MED13L: variants seen among roughly 807,000 people sequenced by gnomAD.
MED13L encodes mediator complex subunit 13L, also known as mediator of RNA polymerase II transcription subunit 13-like.
A neutral mutation model predicts 220.9 loss-of-function variants in MED13L; 7 were observed. The observed-to-expected ratio is 0.03, with a 90% CI of 0.02 to 0.06. MED13L has a LOEUF of 0.06. MED13L is among the 10% of genes least tolerant of loss of function. The probability of loss-of-function intolerance (pLI) is 1.00; values close to 1 mark genes in which losing one functional copy is unlikely to be tolerated. For missense variants in MED13L, 1,965 were observed against 2,760.5 expected (o/e 0.71, Z 6.46); for synonymous variants, 1,011 against 1,015.2 (o/e 1.00, Z 0.08).
intron 2 of MED13L, among the ~76,000 whole-genome samples, chr12:116,124,148 G>GAGACAGAGAC (rs1555213750): frequency 8.0e-4 from 75 of 93,874 alleles, no homozygotes; most frequent in African/African-American, 2.3e-3. Context: ...GAGAGAGAGA[G>GAGACAGAGAC]AGACAGAGAC....
chr12:116,166,202 G>A (rs1226732258), intron 2 of MED13L, among the ~76,000 whole-genome samples: 6 of 151,738 alleles, frequency 4.0e-5, no homozygotes, highest in Non-Finnish European at 2.9e-5. Context: ...CACTGTGATG[G>A]CTAATACTGA....
intron 2 of MED13L, among the ~76,000 whole-genome samples, chr12:116,236,506 TAA>T (rs77630380): frequency 7.0e-6 from 1 of 142,950 alleles, no homozygotes; most frequent in Non-Finnish European, 1.5e-5. Context: ...CTCCTTCCTT[TAA>T]AAAAAAAAAA....
intron 1 of MED13L, among the ~76,000 whole-genome samples, chr12:116,266,958 AC>A (rs1293441048): frequency 3.3e-5 from 5 of 152,230 alleles, no homozygotes; most frequent in African/African-American, 1.2e-4. Flanking sequence ...TGTTCAAAAC[AC>A]AGTAAGGGTT....
intron 4 of MED13L, among the ~76,000 whole-genome samples, chr12:116,050,210 A>G (rs1868374669): frequency 1.3e-5 from 2 of 152,202 alleles, no homozygotes; most frequent in Non-Finnish European, 2.9e-5. Flanking sequence ...GTGGAACAAA[A>G]TATAGCACAG....
intron 25 of MED13L, 123 bp downstream of exon 25, chr12:115,975,048 A>C (rs1385482490): frequency 9.7e-7 from 1 of 1,027,340 alleles, no homozygotes; most frequent in African/African-American, 1.6e-5. Context: ...ATATAAAAGA[A>C]TCATAAAATA....
Position 116,058,470 on chromosome 12 carries a change from CTAAG to C in MED13L, c.480-35873_480-35870del, listed in dbSNP as rs552530966. 1.6e-4 allele frequency among the ~76,000 whole-genome samples: 24 copies of C among 152,098 alleles called. No individual in the cohort carries two copies. In the South Asian group the frequency reaches 4.6e-3, roughly 29 times the overall value. Reference sequence around the variant, plus strand: ...ATAAATTAAAATAAATGTTGAGATCCTAAGTAAAAAATAGCTTACACTATAGCAT... The same window carrying C: ...ATAAATTAAAATAAATGTTGAGATCCTAAAAAATAGCTTACACTATAGCAT... On this transcript the variant is annotated intron_variant, in intron 4 of 30. Transcript: ENST00000281928.
chr12:116,096,952 C>T (rs1023953451), intron 3 of MED13L, among the ~76,000 whole-genome samples, 200 bp from the exon 4 acceptor site: 1 of 151,934 alleles, frequency 6.6e-6, no homozygotes, highest in East Asian at 1.9e-4. Context: ...CTTATGCCCA[C>T]GTAAAAAAGA....
intron 1 of MED13L, among the ~76,000 whole-genome samples, chr12:116,271,431 A>C (rs1055871753): frequency 1.3e-5 from 2 of 151,976 alleles, no homozygotes; most frequent in African/African-American, 4.8e-5. Flanking sequence ...TGTACTAAAC[A>C]TACAAAAAAA....
intron 4 of MED13L, among the ~76,000 whole-genome samples, chr12:116,022,947 C>T (rs1193078325): frequency 6.6e-6 from 1 of 152,166 alleles, no homozygotes; most frequent in Non-Finnish European, 1.5e-5. Flanking sequence ...AAGACAAGCA[C>T]TCAAAACGTG....
chr12:116,045,484 G>C (rs1881778031), intron 4 of MED13L, among the ~76,000 whole-genome samples: 1 of 152,102 alleles, frequency 6.6e-6, no homozygotes, highest in African/African-American at 2.4e-5. Flanking sequence ...CTCTGATTTG[G>C]TAGGAGCTCT....
chr12:116,119,423 G>A (rs936070243), intron 2 of MED13L, among the ~76,000 whole-genome samples: 4 of 152,078 alleles, frequency 2.6e-5, no homozygotes, highest in Admixed American at 6.6e-5. Context: ...CTGTAGCGCC[G>A]ATTGTAAAAG....
In MED13L at chr12:116,030,142, AT is replaced by A. The variant is rs1351297485; in HGVS notation, c.480-7542del. On this transcript the variant is annotated intron_variant, in intron 4 of 30. Coordinates refer to ENST00000281928, the MANE Select transcript of MED13L (RefSeq NM_015335.5). Reference sequence around the variant, plus strand: ...GCCGCTACGCCCAGCTAATTTTTGTATTTTTCGTAGAGACGGGGATTCACCA... The same window carrying A: ...GCCGCTACGCCCAGCTAATTTTTGTATTTTCGTAGAGACGGGGATTCACCA... Among the ~76,000 whole-genome samples, 3 of 152,002 alleles carry A rather than the reference AT, an allele frequency of 2.0e-5. No homozygotes were observed. The South Asian group carries it at 6.3e-4, about 32-fold the overall frequency.
chr12:116,268,434 T>TA (rs1303735294), intron 1 of MED13L, among the ~76,000 whole-genome samples: 2 of 152,250 alleles, frequency 1.3e-5, no homozygotes, highest in Non-Finnish European at 2.9e-5. Context: ...GTGCTCATAT[T>TA]AAGTTCAGAT....
chr12:116,205,532 GA>G (rs34982320), intron 2 of MED13L, among the ~76,000 whole-genome samples: 48,278 of 93,966 alleles, frequency 0.51, 9,340 homozygotes, highest in South Asian at 0.57. Flanking sequence ...CAAAGGAAGA[GA>G]AAAAAAAAAA....
intron 2 of MED13L, among the ~76,000 whole-genome samples, chr12:116,145,312 T>C (rs1197473863): frequency 6.6e-6 from 1 of 152,168 alleles, no homozygotes; most frequent in Non-Finnish European, 1.5e-5. Flanking sequence ...CATACAAAGA[T>C]TTCCTCATCA....
chr12:116,175,709 C>CTAAA (rs1880005368), intron 2 of MED13L, among the ~76,000 whole-genome samples: 1 of 152,008 alleles, frequency 6.6e-6, no homozygotes, highest in African/African-American at 2.4e-5. Flanking sequence ...GAGCAGCATA[C>CTAAA]TAAACATTAG....
At chr12:116,253,025 G>T (rs921010232) in intron 1 of MED13L, among the ~76,000 whole-genome samples, 2 of 152,114 alleles carry the variant, frequency 1.3e-5, no homozygotes, top group Admixed American at 1.3e-4. Flanking sequence ...ACTTTGGGAG[G>T]CCAAGGCAGG....
intron 2 of MED13L, chr12:116,148,609 C>CTATA (rs3043743): frequency 0.02 from 3,633 of 183,204 alleles, 120 homozygotes; most frequent in African/African-American, 0.076. Flanking sequence ...ATGGAGATAT[C>CTATA]TATATATATA....
chr12:116,067,877 C>T (rs1870070740), intron 4 of MED13L, among the ~76,000 whole-genome samples: 1 of 152,152 alleles, frequency 6.6e-6, no homozygotes, highest in African/African-American at 2.4e-5. Flanking sequence ...CAACAAGACT[C>T]AATAAAGGAC....
Sources: gnomAD v4.1 joint callset for allele counts (sites outside exome capture counted in the v4.1 genomes callset) on GRCh38, gnomAD v4.1.1 for gene constraint, MANE v1.5 for transcripts, NCBI Gene and HGNC (gene_info 2026-07-23, HGNC 2026-07-21) for gene names.